Variants in TEX15 observed in about 807,000 individuals in gnomAD.
TEX15 encodes testis-expressed protein 15.
Under a neutral mutation model 237.3 loss-of-function variants are expected in TEX15, and 171 were observed. The observed-to-expected ratio is 0.72, with a 90% confidence interval of 0.64 to 0.82. The LOEUF is 0.82. Ranked by LOEUF, TEX15 falls within the 40% of genes least tolerant of loss-of-function variation. The pLI is 0.00. For synonymous variants in TEX15, 1,338 were observed against 1,269.8 expected (o/e 1.05, Z -1.14); for missense variants, 3,750 against 3,646.5 (o/e 1.03, Z -0.73).
Position 30,849,765 on chromosome 8 carries a change from G to C in TEX15, c.851-449C>G, listed in dbSNP as rs183924031. 4.1e-3 allele frequency among the ~76,000 whole-genome samples: 621 copies of C among 151,950 alleles called. 6 individuals are homozygous for C. The highest frequency in any genetic ancestry group is 0.014 in the African/African-American group (579 of 41,452). On this transcript the variant is annotated intron_variant, in intron 7 of 10. Coordinates refer to ENST00000643185, the MANE Select transcript of TEX15 (RefSeq NM_001350162.2). ...AAAAAAAAAATTAGCCAGGTGTGGT[G>C]GTGGGCACCTGTAATCCCAGCTACT... is the stretch of plus-strand genomic sequence containing the variant.
At chr8:30,881,777 A>G (rs1178832693) in intron 3 of TEX15, among the ~76,000 whole-genome samples, 2 of 151,930 alleles carry the variant, frequency 1.3e-5, no homozygotes, top group Non-Finnish European at 1.5e-5. Flanking sequence ...GCATACCGCC[A>G]TGCCTGGCTA....
At position 30,848,547 on chromosome 8, in the gene TEX15, G is replaced by T. The variant is rs776657212; in HGVS notation, c.1620C>A (p.Phe540Leu). The T allele has an allele frequency of 2.5e-6, 4 of 1,614,094 alleles. No homozygotes were observed. Among genetic ancestry groups the T allele is most frequent in the Non-Finnish European group, 1.7e-6 (2 of 1,180,020 alleles). ...GQCKDQGNFSFPISVSNVVSE... is the reference protein window; with the variant it reads ...GQCKDQGNFSLPISVSNVVSE... ...ACACTACATTTGACACAGAAATTGG[G>T]AAGGAAAAATTACCTTGGTCCTTAC... Residue 540 changes from phenylalanine (F) to leucine (L), a missense_variant, in exon 8 of 11, where the codon TTC (phenylalanine) becomes TTA (leucine). Phe to Leu is a conservative substitution (Grantham distance 22, BLOSUM62 0). Coordinates refer to ENST00000643185, the MANE Select transcript of TEX15 (RefSeq NM_001350162.2).
In TEX15 at chr8:30,842,304, A is replaced by G; in HGVS notation, c.7863T>C (p.His2621=). The change falls in exon 8 of 11, where the codon CAT becomes CAC. Residue 2621 remains histidine, a synonymous_variant. Coordinates refer to ENST00000643185, the MANE Select transcript of TEX15 (RefSeq NM_001350162.2). ...CATTTTTAGTACATATCATCTTCAT[A>G]TGTTCAATCGTTTTCATGACTTTCC... ...HIRKVMKTIE[H]MKMICTKNAE... is the part of the protein sequence containing the mutation. 1 of 1,613,792 alleles carries G rather than the reference A, an allele frequency of 6.2e-7. No homozygotes were observed. Among genetic ancestry groups the G allele is most frequent in the Non-Finnish European group, 8.5e-7 (1 of 1,179,856 alleles).
At chr8:30,894,440 T>C (rs1322733803) in intron 2 of TEX15, among the ~76,000 whole-genome samples, 1 of 152,252 alleles carries the variant, frequency 6.6e-6, no homozygotes, top group African/African-American at 2.4e-5. Flanking sequence ...ATGATTGATA[T>C]ATATTATTAA....
At chr8:30,833,581 A>T (rs550739360) in intron 10 of TEX15, among the ~76,000 whole-genome samples, 1 of 152,334 alleles carries the variant, frequency 6.6e-6, no homozygotes, top group East Asian at 1.9e-4. Context: ...TAAAGGACAT[A>T]ATGTGGCTGG....
At chr8:30,879,987 A>G (rs1808484591) in intron 3 of TEX15, among the ~76,000 whole-genome samples, 1 of 150,954 alleles carries the variant, frequency 6.6e-6, no homozygotes, top group Non-Finnish European at 1.5e-5. Context: ...AACCTTACAC[A>G]TTTTGTTATA....
chr8:30,846,289 T>A lies in TEX15; in HGVS notation c.3878A>T (p.Lys1293Met). The change falls in exon 8 of 11, where the codon AAG (lysine) becomes ATG (methionine). Residue 1293 changes from lysine to methionine, a missense_variant. By Grantham distance (95) the Lys-to-Met change is moderately conservative. Transcript: ENST00000643185. Reference sequence around the variant, plus strand: ...TTTGCTAATTCTTGATTCTACCTCCTTTTTATTTTTGGTATCATTATAGTC... The same window carrying A: ...TTTGCTAATTCTTGATTCTACCTCCATTTTATTTTTGGTATCATTATAGTC... ...KTDYNDTKNK[K>M]EVESRISKRK... is the part of the protein sequence containing the mutation. The A allele has an allele frequency of 6.2e-7, 1 of 1,613,240 alleles. No individual in the cohort carries two copies. The highest frequency in any genetic ancestry group is 1.1e-5 in the South Asian group (1 of 91,046).
intron 1 of TEX15, among the ~76,000 whole-genome samples, chr8:30,909,859 A>G (rs1809182718): frequency 6.6e-6 from 1 of 152,188 alleles, no homozygotes; most frequent in South Asian, 2.1e-4. Context: ...TTGATATCAC[A>G]TTTAATAGAT....
rs1338426885 is a variant in TEX15, at chr8:30,849,332, G to A, written c.851-16C>T. 1.1e-5 allele frequency: 16 copies of A among 1,456,346 alleles called. No individual in the cohort carries two copies. Among genetic ancestry groups the A allele is most frequent in the Non-Finnish European group, 1.5e-5 (16 of 1,102,730 alleles). 90.2% of individuals were successfully genotyped at this position (1,456,346 alleles called of 1,614,324 possible). A position where few individuals can be genotyped will look rare whatever the true frequency, so the allele number is the denominator to read the frequency against. ...CATGTCCTTTCTGTGGAAATAATAA[G>A]GAAGACAAATTTGAAAAAAAGTGTT... On this transcript the variant is annotated splice_polypyrimidine_tract_variant and intron_variant, in intron 7 of 10. Transcript: ENST00000643185.
At chr8:30,895,633 A>C (rs1289074240) in intron 2 of TEX15, among the ~76,000 whole-genome samples, 4 of 141,318 alleles carry the variant, frequency 2.8e-5, no homozygotes, top group Non-Finnish European at 6.0e-5. Flanking sequence ...GTAAATGTAT[A>C]GGTTATTCAA....
At position 30,858,722 on chromosome 8, in the gene TEX15, C is replaced by T. The variant is rs1807969170; in HGVS notation, c.796G>A (p.Gly266Arg). ...AATCTCAAAGATGTCATAAGGCGTC[C>T]ATTATCTACTTTTGAACCAAGAAAT... Reference protein sequence around the residue: ...VKFLGSKVDNGRLMTSLRFLS... With the variant: ...VKFLGSKVDNRRLMTSLRFLS... The change falls in exon 7 of 11, where the codon GGA (glycine) becomes AGA (arginine). Residue 266 changes from glycine (G) to arginine (R), a missense_variant. Gly to Arg is a moderately radical substitution (Grantham distance 125). Coordinates refer to ENST00000643185, the MANE Select transcript of TEX15 (RefSeq NM_001350162.2). 1 of 1,535,716 alleles carries T rather than the reference C, an allele frequency of 6.5e-7. No individual in the cohort carries two copies. The highest frequency in any genetic ancestry group is 8.7e-7 in the Non-Finnish European group (1 of 1,146,780).
At chr8:30,881,626 A>ATT (rs755911484) in intron 3 of TEX15, among the ~76,000 whole-genome samples, 6 of 76,212 alleles carry the variant, frequency 7.9e-5, no homozygotes, top group African/African-American at 3.4e-4. Flanking sequence ...ATTTTTTTTT[A>ATT]TTATTTTTTT....
At chr8:30,897,612 A>C (rs1808931279) in intron 2 of TEX15, among the ~76,000 whole-genome samples, 1 of 152,174 alleles carries the variant, frequency 6.6e-6, no homozygotes, top group African/African-American at 2.4e-5. Context: ...AATGTGACAA[A>C]ACCACTTTTG....
At position 30,833,298 on chromosome 8, in the gene TEX15, A is replaced by T. The variant is rs1215810229; in HGVS notation, c.9507T>A (p.His3169Gln). The T allele has an allele frequency of 6.3e-7, 1 of 1,596,660 alleles. No homozygotes were observed. The highest frequency in any genetic ancestry group is 8.5e-7 in the Non-Finnish European group (1 of 1,171,986). The change falls in exon 11 of 11, where the codon CAT becomes CAA. Residue 3169 changes from histidine (H) to glutamine (Q), a missense_variant. His to Gln is a conservative substitution (Grantham distance 24, BLOSUM62 0). Coordinates refer to ENST00000643185, the MANE Select transcript of TEX15 (RefSeq NM_001350162.2). ...VYAPWHQESF[H>Q]PGH ...CAGAAGACTATTTTCAGTGTCCTGG[A>T]TGAAAGGATTCTTGGTGCCATGGAG...
At chr8:30,873,730 C>T (rs1219361500) in intron 4 of TEX15, among the ~76,000 whole-genome samples, 2 of 151,994 alleles carry the variant, frequency 1.3e-5, no homozygotes, top group African/African-American at 4.8e-5. Flanking sequence ...AACACAAGAA[C>T]AAGATAAAAC....
Position 30,843,241 on chromosome 8 carries a change from G to C in TEX15, c.6926C>G (p.Ser2309Cys). 6.2e-7 allele frequency: 1 copy of C among 1,613,170 alleles called. No homozygotes were observed. Among genetic ancestry groups the C allele is most frequent in the Non-Finnish European group, 8.5e-7 (1 of 1,179,614 alleles). ...RLLRVNKCAF[S>C]KLQKIYDTLS... is the part of the protein sequence containing the mutation. ...AGTATCATATATCTTCTGCAACTTA[G>C]AAAAGGCACATTTATTCACTCTGAG... The change falls in exon 8 of 11, where the codon TCT (serine) becomes TGT (cysteine). Residue 2309 changes from serine to cysteine, a missense_variant. By Grantham distance (112) the Ser-to-Cys change is moderately radical. Transcript: ENST00000643185.
At chr8:30,841,451 G>T (rs1394618966) in intron 8 of TEX15, among the ~76,000 whole-genome samples, 1 of 152,170 alleles carries the variant, frequency 6.6e-6, no homozygotes, top group East Asian at 1.9e-4. Flanking sequence ...ATCATAAGGG[G>T]TTGTGTATAA....
chr8:30,880,279 C>T (rs1204575262), intron 3 of TEX15, among the ~76,000 whole-genome samples: 1 of 152,222 alleles, frequency 6.6e-6, no homozygotes, highest in African/African-American at 2.4e-5. Flanking sequence ...ATTCACCTGC[C>T]TCAGCCTCCC....
chr8:30,859,120 T>G (rs1406117906), intron 6 of TEX15, among the ~76,000 whole-genome samples: 1 of 152,116 alleles, frequency 6.6e-6, no homozygotes, highest in Non-Finnish European at 1.5e-5. Flanking sequence ...TTTCAACTAC[T>G]CTATTTTATT....
Sources: gnomAD v4.1 joint callset for allele counts (sites outside exome capture counted in the v4.1 genomes callset) on GRCh38, gnomAD v4.1.1 for gene constraint, MANE v1.5 for transcripts, NCBI Gene and HGNC (gene_info 2026-07-23, HGNC 2026-07-21) for gene names.